The following SHOX variants were observed in gnomAD, a reference collection of about 807,000 sequenced individuals.
SHOX encodes short stature homeobox protein.
Under a neutral mutation model 29.6 loss-of-function variants are expected in SHOX, and 12 were observed. The ratio of observed to expected loss-of-function variants is 0.41; its 90% CI spans 0.26 to 0.66. The LOEUF is 0.66. SHOX is among the 30% of genes least tolerant of loss of function. The pLI is 0.35. For synonymous variants in SHOX, 214 were observed against 200.6 expected (o/e 1.07, Z -0.57); for missense variants, 499 against 437.7 (o/e 1.14, Z -1.25).
At position 644,738 on chromosome X, in the gene SHOX, C is replaced by T. The variant is rs1214835862; in HGVS notation, c.*102C>T. The T allele has an allele frequency of 9.8e-6, 13 of 1,324,616 alleles. No homozygotes were observed. The highest frequency in any genetic ancestry group is 1.3e-5 in the Non-Finnish European group (13 of 1,039,120). 82.1% of individuals were successfully genotyped at this position (1,324,616 alleles called of 1,614,324 possible). On this transcript the variant is annotated 3_prime_UTR_variant, in exon 5 of 5. Transcript: ENST00000686671. ...CCCCGCCTGGAGCTCCTTCCGCGGC[C>T]ACCGTGCTCCGGGCACCCCGGGAGC...
At chrX:627,334 A>C (rs560663322), upstream of SHOX, among the ~76,000 whole-genome samples, 1 of 152,136 alleles carries the variant, frequency 6.6e-6, no homozygotes, top group Non-Finnish European at 1.5e-5. Context: ...GTTATCAAGC[A>C]CTCAAACGCT....
chrX:628,929 G>A (rs375161035), upstream of SHOX, among the ~76,000 whole-genome samples: 18 of 2,092 alleles, frequency 8.6e-3, 1 homozygote, highest in East Asian at 0.015. Flanking sequence ...CTCTCTCTCT[G>A]TCTCTCCCTC....
rs193922465 is a variant in SHOX at position 634,619 on chromosome X, G to C, written c.279G>C (p.Gly93=). Residue 93 remains glycine (G), a splice_region_variant and synonymous_variant, in exon 2 of 5, where the codon GGG becomes GGC. Transcript: ENST00000686671. ...CTGTGCCCTCCGCTCCCCACGCAGG[G>C]ATTTATGAATGCAAAGAGAAGCGCG... ...KEFGTARVAE[G]IYECKEKRED... The C allele has an allele frequency of 1.7e-5, 27 of 1,613,480 alleles. No individual in the cohort carries two copies. Among genetic ancestry groups the C allele is most frequent in the Non-Finnish European group, 2.3e-5 (27 of 1,179,868 alleles).
In SHOX at chrX:651,227, C is replaced by T. The variant is rs184372364; in HGVS notation, c.*6591C>T. On this transcript the variant is annotated 3_prime_UTR_variant, in exon 5 of 5. Transcript: ENST00000686671. Reference sequence around the variant, plus strand: ...GAAAACTGTTGCTTTTTCTTTTTCCCTCCCCCATTGACGACATAGCGGCCC... The same window carrying T: ...GAAAACTGTTGCTTTTTCTTTTTCCTTCCCCCATTGACGACATAGCGGCCC... 1.5e-3 allele frequency: 648 copies of T among 431,690 alleles called. 3 individuals are homozygous for T. Among genetic ancestry groups the T allele is most frequent in the African/African-American group, 0.011 (550 of 49,054 alleles). The allele number at this position is 431,690 out of a possible 1,614,324, so 26.7% of individuals were successfully genotyped here.
chrX:642,488 G>A (rs754839313), intron 4 of SHOX, among the ~76,000 whole-genome samples: 33 of 152,304 alleles, frequency 2.2e-4, no homozygotes, highest in African/African-American at 7.0e-4. Context: ...AATGGACCCC[G>A]AGCGCTGGTC....
At position 625,298 on chromosome X, in the gene SHOX, T is replaced by C. The variant is rs375839190; in HGVS notation, c.-433+696T>C. 2.0e-3 allele frequency among the ~76,000 whole-genome samples: 309 copies of C among 151,666 alleles called. 2 individuals are homozygous for C. The highest frequency in any genetic ancestry group is 9.8e-3 in the South Asian group (47 of 4,792). On this transcript the variant is annotated intron_variant, in intron 1 of 5. Coordinates refer to the SHOX transcript ENST00000334060. ...ATTTGTCTCTTTCCCCTTTGCGTTT[T>C]TATTCGCAGTCGTTGTTTTTGTCCA...
intron 2 of SHOX, 67 bp downstream of exon 2, chrX:634,893 G>T (rs2052717322): frequency 1.3e-6 from 2 of 1,490,794 alleles, no homozygotes; most frequent in Admixed American, 2.1e-5. Context: ...CGCACAGCAC[G>T]CGTACAGCCA....
upstream of SHOX, among the ~76,000 whole-genome samples, chrX:626,675 CTCTG>C (rs1413796825): frequency 4.9e-5 from 7 of 143,196 alleles, no homozygotes; most frequent in East Asian, 2.0e-4. Flanking sequence ...GTCTCTGTAT[CTCTG>C]TCTATCTCTG....
At chrX:625,451 C>G (rs2052505919) in intron 1 of SHOX, among the ~76,000 whole-genome samples, 2 of 152,032 alleles carry the variant, frequency 1.3e-5, no homozygotes, top group African/African-American at 2.4e-5. Flanking sequence ...GTGTGCTGCT[C>G]TCTTCTCTCT....
chrX:630,735 A>G, upstream of SHOX: 1 of 864,344 alleles, frequency 1.2e-6, no homozygotes, highest in South Asian at 1.6e-5. Flanking sequence ...CAGGCAGCGC[A>G]TGGGGGGCTG....
At chrX:641,909 G>T (rs1041004806) in intron 4 of SHOX, among the ~76,000 whole-genome samples, 4 of 152,134 alleles carry the variant, frequency 2.6e-5, no homozygotes, top group African/African-American at 7.2e-5. Context: ...ACCCCCGAGT[G>T]CCCGAGGGCC....
upstream of SHOX, chrX:630,588 C>T: frequency 5.8e-6 from 3 of 519,960 alleles, no homozygotes; most frequent in Non-Finnish European, 1.0e-5. Context: ...GGATCTTTCC[C>T]CCTTCGCACC....
At position 630,985 on chromosome X, in the gene SHOX, A is replaced by G. The variant is rs922119511; in HGVS notation, c.88A>G (p.Lys30Glu). ...NGGGGGGGGKKDSITYREVLE... is the reference protein window; with the variant it reads ...NGGGGGGGGKEDSITYREVLE... Reference sequence around the variant, plus strand: ...CGGAGGCGGAGGCGGCGGAGGTAAGAAGGATTCCATTACGTACCGGGAAGT... The same window carrying G: ...CGGAGGCGGAGGCGGCGGAGGTAAGGAGGATTCCATTACGTACCGGGAAGT... The change falls in exon 1 of 5, where the codon AAG (lysine) becomes GAG (glutamate). Residue 30 changes from lysine to glutamate, a missense_variant. Physicochemically the swap from Lys to Glu is moderately conservative, Grantham distance 56 (BLOSUM62 1). Transcript: ENST00000686671. The G allele has an allele frequency of 3.1e-6, 5 of 1,613,728 alleles. No individual in the cohort carries two copies. In the African/African-American group the frequency reaches 5.3e-5, roughly 17 times the overall value.
rs989491092 is a variant in SHOX at position 630,796 on chromosome X, T to C, written c.-102T>C. 5 of 1,422,594 alleles carry C rather than the reference T, an allele frequency of 3.5e-6. No homozygotes were observed. Among genetic ancestry groups the C allele is most frequent in the Admixed American group, 1.7e-5 (1 of 57,150 alleles). 88.1% of individuals were successfully genotyped at this position (1,422,594 alleles called of 1,614,324 possible). ...GAGATTTCCAATGGAAAGGCGTAAATAACAGCGCTGGTGATCCACCCGCGC... is the reference window on the plus strand; with the variant it reads ...GAGATTTCCAATGGAAAGGCGTAAACAACAGCGCTGGTGATCCACCCGCGC... On this transcript the variant is annotated 5_prime_UTR_variant, in exon 1 of 5. Coordinates refer to ENST00000686671, the MANE Select transcript of SHOX (RefSeq NM_000451.4).
chrX:632,102 G>T (rs1265613222), intron 1 of SHOX: 2 of 425,228 alleles, frequency 4.7e-6, no homozygotes, highest in African/African-American at 2.0e-5. Context: ...GAAAGCTGTT[G>T]GGTCCATAAA....
chrX:630,950 A>T lies in SHOX; in HGVS notation c.53A>T (p.Asp18Val), dbSNP rs768402466. 12 of 1,613,616 alleles carry T rather than the reference A, an allele frequency of 7.4e-6. No individual in the cohort carries two copies. The highest frequency in any genetic ancestry group is 1.0e-5 in the Non-Finnish European group (12 of 1,179,830). The change falls in exon 1 of 5, where the codon GAC becomes GTC. Residue 18 changes from aspartate to valine, a missense_variant. Transcript: ENST00000686671. ...AAGTCTTTTGACCAGAAAAGCAAGGACGGTAACGGCGGAGGCGGAGGCGGC... is the reference window on the plus strand; with the variant it reads ...AAGTCTTTTGACCAGAAAAGCAAGGTCGGTAACGGCGGAGGCGGAGGCGGC... ...VSKSFDQKSK[D>V]GNGGGGGGGG...
intron 2 of SHOX, among the ~76,000 whole-genome samples, chrX:640,603 A>C (rs1357898397): frequency 6.6e-6 from 1 of 152,078 alleles, no homozygotes; most frequent in Non-Finnish European, 1.5e-5. Flanking sequence ...AACAAAACAA[A>C]ACAAAAAATC....
At chrX:639,391 G>A (rs1167409116) in intron 2 of SHOX, among the ~76,000 whole-genome samples, 2 of 142,972 alleles carry the variant, frequency 1.4e-5, no homozygotes, top group Non-Finnish European at 3.0e-5. Context: ...GGCCGAGAAG[G>A]GCAAAGACAC....
At position 634,600 on chromosome X, in the gene SHOX, C is replaced by A; in HGVS notation, c.278-18C>A. The stretch of plus-strand genomic sequence containing the variant: ...AACCTCCCCGGCCTCAGCCCTGTGC[C>A]CTCCGCTCCCCACGCAGGGATTTAT... On this transcript the variant is annotated intron_variant, in intron 1 of 4. Transcript: ENST00000686671. 1 of 1,612,634 alleles carries A rather than the reference C, an allele frequency of 6.2e-7. No individual in the cohort carries two copies. The highest frequency in any genetic ancestry group is 1.7e-5 in the Admixed American group (1 of 59,956).
Sources: allele counts gnomAD v4.1 joint callset (sites outside exome capture counted in the v4.1 genomes callset), GRCh38; gene constraint gnomAD v4.1.1; transcripts MANE v1.5; gene names NCBI Gene and HGNC (gene_info 2026-07-23, HGNC 2026-07-21).